FHIT: variants seen among roughly 807,000 people sequenced by gnomAD.
The protein encoded by FHIT is bis(5'-adenosyl)-triphosphatase.
In FHIT, 19 loss-of-function variants were observed where a neutral mutation model predicts 17.9. That is an observed-to-expected ratio of 1.06 (90% confidence interval 0.74 to 1.56). The LOEUF (loss-of-function observed/expected upper bound fraction) is 1.56. Among genes scored for constraint, FHIT ranks in the 40% most tolerant of loss-of-function variants. The pLI is 0.00. For missense variants in FHIT, 248 were observed against 189.2 expected (o/e 1.31, Z -1.82); for synonymous variants, 81 against 69.7 (o/e 1.16, Z -0.81).
chr3:60,742,585 T>A (rs1193883629), intron 4 of FHIT, among the ~76,000 whole-genome samples: 1 of 152,282 alleles, frequency 6.6e-6, no homozygotes, highest in East Asian at 1.9e-4. Context: ...TGTAATAAAG[T>A]ATTTGCACCA....
intron 4 of FHIT, chr3:60,690,253 A>C (rs1343886719): frequency 3.7e-6 from 2 of 541,538 alleles, no homozygotes; most frequent in Non-Finnish European, 7.2e-6. Context: ...AGCAATAGTG[A>C]CCTTCTTGCT....
intron 5 of FHIT, among the ~76,000 whole-genome samples, chr3:60,392,184 G>A (rs935934651): frequency 2.6e-5 from 4 of 152,156 alleles, no homozygotes; most frequent in Non-Finnish European, 5.9e-5. Context: ...GCACTAAGAA[G>A]ATTAAGACAT....
chr3:60,172,631 A>T (rs1701471530), intron 5 of FHIT, among the ~76,000 whole-genome samples: 1 of 152,056 alleles, frequency 6.6e-6, no homozygotes, highest in Non-Finnish European at 1.5e-5. Flanking sequence ...GGGCAGAAAA[A>T]ATGTTGGGAA....
chr3:60,817,621 T>C (rs1701786122), intron 4 of FHIT, among the ~76,000 whole-genome samples: 2 of 152,072 alleles, frequency 1.3e-5, no homozygotes, highest in Non-Finnish European at 2.9e-5. Flanking sequence ...TAAAGCATTG[T>C]TCCACCAAAG....
intron 4 of FHIT, among the ~76,000 whole-genome samples, chr3:60,803,733 T>C (rs1252960228): frequency 6.6e-6 from 1 of 152,088 alleles, no homozygotes; most frequent in Admixed American, 6.5e-5. Flanking sequence ...TGTTTTGCAG[T>C]GCCAGCTAGC....
intron 5 of FHIT, among the ~76,000 whole-genome samples, chr3:60,158,398 G>A (rs1238092110): frequency 2.6e-5 from 4 of 151,478 alleles, no homozygotes; most frequent in Non-Finnish European, 4.4e-5. Flanking sequence ...TGCAACCTCC[G>A]CTTCCAGGGT....
intron 5 of FHIT, among the ~76,000 whole-genome samples, chr3:60,123,967 AATATATAT>A (rs1176212050): frequency 0.013 from 352 of 27,696 alleles, 6 homozygotes; most frequent in East Asian, 0.024. Context: ...ATGCACTAAA[AATATATAT>A]ATATATATAT....
intron 5 of FHIT, among the ~76,000 whole-genome samples, chr3:60,069,487 C>G (rs945015270): frequency 7.2e-5 from 11 of 152,128 alleles, no homozygotes; most frequent in Non-Finnish European, 1.5e-4. Context: ...AACACTGCTC[C>G]AGGGGCTGCA....
At chr3:60,796,520 T>C (rs1700985856) in intron 4 of FHIT, among the ~76,000 whole-genome samples, 1 of 152,358 alleles carries the variant, frequency 6.6e-6, no homozygotes, top group East Asian at 1.9e-4. Flanking sequence ...GGTGTCTAGA[T>C]ATTTTTCAAG....
At chr3:60,068,164 G>GGTTCACT (rs1348516014) in intron 5 of FHIT, among the ~76,000 whole-genome samples, 1 of 152,156 alleles carries the variant, frequency 6.6e-6, no homozygotes, top group Non-Finnish European at 1.5e-5. Context: ...TGAACCAGGA[G>GGTTCACT]GCAGAGGTTG....
intron 5 of FHIT, among the ~76,000 whole-genome samples, chr3:60,086,443 A>C (rs2107070853): frequency 6.6e-6 from 1 of 152,302 alleles, no homozygotes. Flanking sequence ...CAAAAGTCTT[A>C]ACTCATTTCA....
At chr3:60,407,120 T>C (rs536179332) in intron 5 of FHIT, among the ~76,000 whole-genome samples, 1 of 151,056 alleles carries the variant, frequency 6.6e-6, no homozygotes, top group African/African-American at 2.4e-5. Flanking sequence ...AATCTACTTT[T>C]GTTTGCTTAT....
intron 5 of FHIT, among the ~76,000 whole-genome samples, chr3:60,291,112 AC>A (rs1416572026): frequency 6.6e-6 from 1 of 152,188 alleles, no homozygotes; most frequent in Non-Finnish European, 1.5e-5. Flanking sequence ...CTGCAGACAC[AC>A]AAGGAGTGAG....
intron 5 of FHIT, among the ~76,000 whole-genome samples, chr3:60,255,301 G>A (rs1422623579): frequency 6.6e-6 from 1 of 152,138 alleles, no homozygotes; most frequent in African/African-American, 2.4e-5. Context: ...CTAGGGTAAA[G>A]GGATTTTCCA....
chr3:61,162,051 A>C (rs1385255309), intron 2 of FHIT, among the ~76,000 whole-genome samples: 1 of 152,232 alleles, frequency 6.6e-6, no homozygotes, highest in African/African-American at 2.4e-5. Flanking sequence ...AGTACCTGTC[A>C]ACGCTGGTTT....
intron 3 of FHIT, among the ~76,000 whole-genome samples, chr3:60,972,143 A>G (rs1251575347): frequency 1.3e-5 from 2 of 152,222 alleles, no homozygotes; most frequent in Non-Finnish European, 2.9e-5. Context: ...TAAACAATCC[A>G]TATTCATAGA....
intron 5 of FHIT, among the ~76,000 whole-genome samples, chr3:60,428,678 T>A (rs1245793829): frequency 1.3e-5 from 2 of 152,052 alleles, no homozygotes; most frequent in Non-Finnish European, 2.9e-5. Context: ...TAAATGCAAT[T>A]GGTAGGCTGC....
intron 8 of FHIT, among the ~76,000 whole-genome samples, chr3:59,787,472 A>C (rs1471165486): frequency 7.0e-6 from 1 of 143,444 alleles, no homozygotes; most frequent in East Asian, 2.1e-4. Flanking sequence ...CCAGAAGCAC[A>C]AGGGGCAAAA....
At position 59,990,808 on chromosome 3, in the gene FHIT, C is replaced by G. The variant is rs1362123068; in HGVS notation, c.279+20563G>C. 2.6e-5 allele frequency among the ~76,000 whole-genome samples: 4 copies of G among 152,098 alleles called. No homozygotes were observed. The South Asian group carries it at 8.4e-4, about 32-fold the overall frequency. The stretch of plus-strand genomic sequence containing the variant: ...TAAGTGATCTACTGGCATTTTAGAA[C>G]AGAGGCAAGACTGCTCACTCATTAA... On this transcript the variant is annotated intron_variant, in intron 7 of 9. Transcript: ENST00000492590.
Sources: allele counts gnomAD v4.1 joint callset (sites outside exome capture counted in the v4.1 genomes callset), GRCh38; gene constraint gnomAD v4.1.1; transcripts MANE v1.5; gene names NCBI Gene and HGNC (gene_info 2026-07-23, HGNC 2026-07-21).